Variants in BBS2 observed in about 807,000 individuals in gnomAD.
BBS2 encodes BBSome complex member BBS2.
Under a neutral mutation model 83.0 loss-of-function variants are expected in BBS2, and 62 were observed. The ratio of observed to expected loss-of-function variants is 0.75; its 90% CI spans 0.61 to 0.92. The LOEUF is 0.92. Ranked by LOEUF, BBS2 falls within the 40% of genes least tolerant of loss-of-function variation. BBS2 has a pLI of 0.00. For synonymous variants in BBS2, 303 were observed against 326.1 expected (o/e 0.93, Z 0.76); for missense variants, 784 against 901.0 (o/e 0.87, Z 1.66).
chr16:56,484,850 G>C lies in BBS2; in HGVS notation c.2077C>G (p.Gln693Glu). ...GCATCCCGACAAGCAGTGATCACCT[G>C]GTTCTTTGGTTTTCCAACTGCATAA... ...GRLRVGKPKN[Q>E]VITACRDAIR... The change falls in exon 17 of 17, where the codon CAG (glutamine) becomes GAG (glutamate). Residue 693 changes from glutamine (Q) to glutamate (E), a missense_variant. Physicochemically the swap from Gln to Glu is conservative, Grantham distance 29 (BLOSUM62 2). Transcript: ENST00000245157. 1 of 1,613,904 alleles carries C rather than the reference G, an allele frequency of 6.2e-7. No individual in the cohort carries two copies. Among genetic ancestry groups the C allele is most frequent in the Non-Finnish European group, 8.5e-7 (1 of 1,179,854 alleles).
rs1201900919 is a variant in BBS2, at chr16:56,498,552, C to A, written c.1544G>T (p.Gly515Val). The change falls in exon 13 of 17, where the codon GGT (glycine) becomes GTT (valine). Residue 515 changes from glycine (G) to valine (V), a missense_variant. Physicochemically the swap from Gly to Val is moderately radical, Grantham distance 109. Transcript: ENST00000245157. ...ERAQRVVVWL[G>V]QNFLLPEDTH... is the part of the protein sequence containing the mutation. ...GTCTTCTGGTAACAGAAAGTTCTGA[C>A]CGAGCCATACAACAACCTTGAAAAT... The A allele has an allele frequency of 6.2e-7, 1 of 1,614,020 alleles. No individual in the cohort carries two copies. The highest frequency in any genetic ancestry group is 8.5e-7 in the Non-Finnish European group (1 of 1,180,006).
chr16:56,480,057 C>T (rs1271749772), downstream of BBS2, among the ~76,000 whole-genome samples: 1 of 152,150 alleles, frequency 6.6e-6, no homozygotes, highest in African/African-American at 2.4e-5. Context: ...GTTAACCATA[C>T]TGGAAATTAG....
At chr16:56,476,402 A>AT (rs1437420613) in intron 17 of BBS2, 3 of 355,496 alleles carry the variant, frequency 8.4e-6, no homozygotes, top group African/African-American at 5.0e-5. Context: ...TTATCTCTTG[A>AT]TTAAAAAAAA....
chr16:56,496,845 C>T, intron 15 of BBS2, 122 bp downstream of exon 15: 2 of 804,336 alleles, frequency 2.5e-6, no homozygotes, highest in Middle Eastern at 2.2e-4. Flanking sequence ...ACTGATAATG[C>T]CAAGTTATTT....
rs1170844318 is a variant in BBS2 at position 56,511,192 on chromosome 16, AC to A, written c.437del (p.Gly146ValfsTer55). 1 of 1,614,124 alleles carries A rather than the reference AC, an allele frequency of 6.2e-7. No individual in the cohort carries two copies. The highest frequency in any genetic ancestry group is 8.5e-7 in the Non-Finnish European group (1 of 1,180,010). On this transcript the variant is annotated frameshift_variant, in exon 3 of 17. Transcript: ENST00000245157. LOFTEE classifies it high-confidence loss of function. ...AGAGATCACTTCCTTCATGATTGAAACCTTGCAGAGCACAATTGCCACCAAT... is the reference window on the plus strand; with the variant it reads ...AGAGATCACTTCCTTCATGATTGAAACTTGCAGAGCACAATTGCCACCAAT... ...AIIGGNCALQ[G>X]FNHEGSDLFW...
chr16:56,502,773 G>C lies in BBS2; in HGVS notation c.840C>G (p.Ile280Met). The change falls in exon 8 of 17, where the codon ATC becomes ATG. Residue 280 changes from isoleucine (I) to methionine (M), a missense_variant. Physicochemically the swap from Ile to Met is conservative, Grantham distance 10. Transcript: ENST00000245157. ...DARSDRTGEV[I>M]FKDNFSSAIA... is the part of the protein sequence containing the mutation. ...TTGCAGAAGAAAAATTGTCCTTAAAGATGACCTCCCCAGTTCGGTCACTTC... is the reference window on the plus strand; with the variant it reads ...TTGCAGAAGAAAAATTGTCCTTAAACATGACCTCCCCAGTTCGGTCACTTC... The C allele has an allele frequency of 6.2e-7, 1 of 1,614,158 alleles. No homozygotes were observed. The highest frequency in any genetic ancestry group is 8.5e-7 in the Non-Finnish European group (1 of 1,180,026).
chr16:56,514,321 T>A (rs1964668703), intron 2 of BBS2, 132 bp downstream of exon 2: 8 of 832,794 alleles, frequency 9.6e-6, no homozygotes, highest in Admixed American at 4.7e-5. Flanking sequence ...CAGCAAAATC[T>A]CCATGTTGTT....
chr16:56,519,092 A>C (rs986666771), intron 1 of BBS2, among the ~76,000 whole-genome samples: 1 of 152,132 alleles, frequency 6.6e-6, no homozygotes, highest in Non-Finnish European at 1.5e-5. Flanking sequence ...GTACTTTGGG[A>C]GGCCGAGGCA....
At chr16:56,485,029 A>G (rs1463792975) in intron 16 of BBS2, among the ~76,000 whole-genome samples, 162 bp from the exon 17 acceptor site, 1 of 152,222 alleles carries the variant, frequency 6.6e-6, no homozygotes, top group African/African-American at 2.4e-5. Context: ...TGAGGGAATT[A>G]TTGAAAAAAC....
At chr16:56,487,077 T>C (rs762733753) in intron 15 of BBS2, among the ~76,000 whole-genome samples, 26 of 152,098 alleles carry the variant, frequency 1.7e-4, no homozygotes, top group Non-Finnish European at 3.5e-4. Flanking sequence ...AAATATCCTA[T>C]ATCTCGATTG....
intron 11 of BBS2, chr16:56,500,385 G>A (rs751059365): frequency 2.9e-5 from 7 of 242,360 alleles, no homozygotes; most frequent in Non-Finnish European, 5.7e-5. Flanking sequence ...CAGCACTTTC[G>A]GAAGCCAAGG....
Position 56,519,878 on chromosome 16 carries a change from G to T in BBS2, c.-16C>A. 6.2e-7 allele frequency: 1 copy of T among 1,601,908 alleles called. No homozygotes were observed. Among genetic ancestry groups the T allele is most frequent in the South Asian group, 1.1e-5 (1 of 90,828 alleles). ...GCAGCAGCATGATGGCGGCGGCTTA[G>T]GGGAGGAGGGCTGGAAGCTGGAGAC... is the stretch of plus-strand genomic sequence containing the variant. On this transcript the variant is annotated 5_prime_UTR_variant, in exon 1 of 17. Coordinates refer to ENST00000245157, the MANE Select transcript of BBS2 (RefSeq NM_031885.5).
intron 15 of BBS2, among the ~76,000 whole-genome samples, chr16:56,494,831 G>C (rs933098608): frequency 1.3e-5 from 2 of 151,832 alleles, no homozygotes; most frequent in African/African-American, 2.4e-5. Flanking sequence ...GCTTGGTGGC[G>C]GGCGCCTGTA....
chr16:56,491,059 C>A (rs1277286278), intron 15 of BBS2, among the ~76,000 whole-genome samples: 1 of 152,172 alleles, frequency 6.6e-6, no homozygotes, highest in Non-Finnish European at 1.5e-5. Flanking sequence ...CCGCGCCTGG[C>A]CCATTAAAGC....
At chr16:56,518,154 T>C (rs1276072165) in intron 1 of BBS2, among the ~76,000 whole-genome samples, 2 of 152,086 alleles carry the variant, frequency 1.3e-5, no homozygotes, top group African/African-American at 2.4e-5. Flanking sequence ...ACTAACATCA[T>C]GATGTGCCAG....
chr16:56,496,750 T>C (rs1168518941), intron 15 of BBS2, among the ~76,000 whole-genome samples: 25 of 152,264 alleles, frequency 1.6e-4, no homozygotes, highest in Admixed American at 1.6e-3. Flanking sequence ...TTTATAAGCA[T>C]ACATATAACT....
At chr16:56,480,589 C>T (rs1189562437), downstream of BBS2, among the ~76,000 whole-genome samples, 3 of 152,000 alleles carry the variant, frequency 2.0e-5, no homozygotes, top group Admixed American at 6.6e-5. Flanking sequence ...TGGGATTTCA[C>T]CATGTTGGCC....
downstream of BBS2, among the ~76,000 whole-genome samples, chr16:56,480,243 G>T (rs1233371734): frequency 1.3e-5 from 2 of 150,204 alleles, no homozygotes; most frequent in South Asian, 4.2e-4. Flanking sequence ...CCAAAAGAAA[G>T]AATCTGTTAG....
At chr16:56,491,974 A>C (rs1190821795) in intron 15 of BBS2, among the ~76,000 whole-genome samples, 2 of 152,050 alleles carry the variant, frequency 1.3e-5, no homozygotes, top group East Asian at 3.9e-4. Flanking sequence ...GAACCCTTGT[A>C]CACTGTTGAT....
Sources: gnomAD v4.1 joint callset for allele counts (sites outside exome capture counted in the v4.1 genomes callset) on GRCh38, gnomAD v4.1.1 for gene constraint, MANE v1.5 for transcripts, NCBI Gene and HGNC (gene_info 2026-07-23, HGNC 2026-07-21) for gene names.